The following BASP1 variants were observed in gnomAD, a reference collection of about 807,000 sequenced individuals.
BASP1 encodes brain acid soluble protein 1.
A neutral mutation model predicts 2.2 loss-of-function variants in BASP1; 1 was observed. That is an observed-to-expected ratio of 0.46 (90% CI 0.16 to 2.17). The LOEUF is 2.17. BASP1 is among the 30% of genes most tolerant of loss of function. The pLI is 0.27. For missense variants in BASP1, 352 were observed against 327.2 expected (o/e 1.08, Z -0.58); for synonymous variants, 187 against 154.2 (o/e 1.21, Z -1.58).
At chr5:17,249,546 C>A (rs1561171589) in intron 1 of BASP1, among the ~76,000 whole-genome samples, 1 of 152,084 alleles carries the variant, frequency 6.6e-6, no homozygotes, top group African/African-American at 2.4e-5. Context: ...CTGGCATACA[C>A]TTTTTTTAAC....
At chr5:17,271,264 G>A (rs1029529043) in intron 1 of BASP1, among the ~76,000 whole-genome samples, 1 of 152,158 alleles carries the variant, frequency 6.6e-6, no homozygotes, top group Non-Finnish European at 1.5e-5. Flanking sequence ...TGGGATGATA[G>A]GTGTGCACCA....
chr5:17,239,382 T>C (rs191092312), intron 1 of BASP1, among the ~76,000 whole-genome samples: 2 of 152,302 alleles, frequency 1.3e-5, no homozygotes, highest in East Asian at 1.9e-4. Flanking sequence ...TGTGAGCCAC[T>C]GCACCCGGCC....
At chr5:17,266,253 G>A (rs1237497222) in intron 1 of BASP1, among the ~76,000 whole-genome samples, 1 of 152,118 alleles carries the variant, frequency 6.6e-6, no homozygotes, top group Non-Finnish European at 1.5e-5. Context: ...TAAAAATGCA[G>A]GAAAAAGATT....
chr5:17,275,764 C>T lies in BASP1; in HGVS notation c.548C>T (p.Ser183Phe). The change falls in exon 2 of 2, where the codon TCC (serine) becomes TTC (phenylalanine). Residue 183 changes from serine (S) to phenylalanine (F), a missense_variant. Physicochemically the swap from Ser to Phe is radical, Grantham distance 155 (BLOSUM62 -2). Coordinates refer to ENST00000322611, the MANE Select transcript of BASP1 (RefSeq NM_006317.5). This position sits in a 1 kb window ranked among gnomAD's most constrained non-coding sequence, Gnocchi z 5.3. The stretch of plus-strand genomic sequence containing the variant: ...GGCAGCTCGGAGGCTGCCCCCTCTT[C>T]CAAGGAGACCCCCGCAGCCACGGAA... ...KPGSSEAAPS[S>F]KETPAATEAP... 1.9e-6 allele frequency: 3 copies of T among 1,612,840 alleles called. No homozygotes were observed. In the East Asian group the frequency reaches 6.7e-5, roughly 36 times the overall value.
Position 17,260,194 on chromosome 5 carries a change from TGC to T in BASP1, c.-9-15013_-9-15012del, listed in dbSNP as rs1740289161. On this transcript the variant is annotated intron_variant, in intron 1 of 1. Coordinates refer to ENST00000322611, the MANE Select transcript of BASP1 (RefSeq NM_006317.5). This position sits in a 1 kb window ranked among gnomAD's most constrained non-coding sequence, Gnocchi z 4.2. ...TTAGACTATTGACGAGAATGAATAA[TGC>T]ATGTTTCCTGATAGTGTTTGCTACA... Among the ~76,000 whole-genome samples the T allele has an allele frequency of 6.6e-6, 1 of 152,206 alleles. No homozygotes were observed. Among genetic ancestry groups the T allele is most frequent in the Non-Finnish European group, 1.5e-5 (1 of 68,038 alleles).
At chr5:17,248,684 T>C (rs560613539) in intron 1 of BASP1, among the ~76,000 whole-genome samples, 28 of 152,298 alleles carry the variant, frequency 1.8e-4, no homozygotes, top group African/African-American at 6.7e-4. Flanking sequence ...CCCTGTAGAA[T>C]GTGAATGATT....
chr5:17,241,663 G>A (rs1256626000), intron 1 of BASP1, among the ~76,000 whole-genome samples: 1 of 152,152 alleles, frequency 6.6e-6, no homozygotes, highest in East Asian at 1.9e-4. Flanking sequence ...TGCTGGGAGT[G>A]AACGAGGCCC....
chr5:17,247,595 C>T (rs1010690008), intron 1 of BASP1, among the ~76,000 whole-genome samples: 5 of 152,142 alleles, frequency 3.3e-5, no homozygotes, highest in African/African-American at 1.2e-4. Context: ...GCTGCTTCTT[C>T]AAAAGGTGCC....
chr5:17,217,947 C>G (rs1207769072), intron 1 of BASP1, 137 bp downstream of exon 1: 2 of 152,062 alleles, frequency 1.3e-5, no homozygotes, highest in East Asian at 3.9e-4. Flanking sequence ...CCGGATTGGA[C>G]GGCAAGGGCC....
At chr5:17,242,868 C>T (rs1032299754) in intron 1 of BASP1, among the ~76,000 whole-genome samples, 3 of 150,722 alleles carry the variant, frequency 2.0e-5, no homozygotes, top group African/African-American at 7.3e-5. Flanking sequence ...AAAAGGTAAT[C>T]GTAAGCATTT....
intron 1 of BASP1, among the ~76,000 whole-genome samples, chr5:17,245,809 C>T (rs1739972995): frequency 6.6e-6 from 1 of 152,028 alleles, no homozygotes; most frequent in Admixed American, 6.6e-5. Context: ...TGAATAAATA[C>T]ATTGCTCAGG....
intron 1 of BASP1, among the ~76,000 whole-genome samples, chr5:17,267,266 C>T (rs1281728771): frequency 6.6e-6 from 1 of 152,118 alleles, no homozygotes; most frequent in Non-Finnish European, 1.5e-5. Flanking sequence ...GGGAAACAAC[C>T]GAGTGTCTTC....
intron 1 of BASP1, among the ~76,000 whole-genome samples, chr5:17,241,098 CTTT>C (rs1168059951): frequency 4.3e-5 from 6 of 140,770 alleles, no homozygotes; most frequent in East Asian, 4.1e-4. Flanking sequence ...TGACATTTTC[CTTT>C]TTTTTTTTTT....
At chr5:17,256,442 T>C (rs868146655) in intron 1 of BASP1, among the ~76,000 whole-genome samples, 54 of 152,338 alleles carry the variant, frequency 3.5e-4, no homozygotes, top group African/African-American at 1.2e-3. Flanking sequence ...AGTGCCTGGA[T>C]GTTTGTGTCA....
intron 1 of BASP1, among the ~76,000 whole-genome samples, chr5:17,268,568 G>A (rs1309904324): frequency 3.9e-5 from 6 of 152,292 alleles, no homozygotes; most frequent in Middle Eastern, 3.4e-3. Flanking sequence ...TTAAAATAGC[G>A]TGTACAGAGG....
intron 1 of BASP1, among the ~76,000 whole-genome samples, chr5:17,227,386 ATT>A (rs201485149): frequency 0.091 from 9,658 of 106,370 alleles, 515 homozygotes; most frequent in African/African-American, 0.24. Flanking sequence ...AGCTTGACTA[ATT>A]TTTATATATA....
At chr5:17,237,736 G>A (rs1229527893) in intron 1 of BASP1, among the ~76,000 whole-genome samples, 3 of 151,308 alleles carry the variant, frequency 2.0e-5, no homozygotes, top group Non-Finnish European at 4.4e-5. Flanking sequence ...TCCACCTCCC[G>A]AGTAGCTGGG....
Position 17,250,991 on chromosome 5 carries a change from AG to A in BASP1, c.-9-24216del, listed in dbSNP as rs560773344. 2.0e-5 allele frequency among the ~76,000 whole-genome samples: 3 copies of A among 152,376 alleles called. No homozygotes were observed. In the South Asian group the frequency reaches 6.2e-4, roughly 32 times the overall value. ...AGATTTAGATTTTGCTGCATAGAAC[AG>A]AAAACCTAAAACTAAAATGGCTTAC... On this transcript the variant is annotated intron_variant, in intron 1 of 1. Coordinates refer to ENST00000322611, the MANE Select transcript of BASP1 (RefSeq NM_006317.5).
intron 1 of BASP1, among the ~76,000 whole-genome samples, chr5:17,238,088 A>G (rs1561168109): frequency 6.6e-6 from 1 of 151,358 alleles, no homozygotes; most frequent in Non-Finnish European, 1.5e-5. Context: ...TGGCACTCCT[A>G]TTGACACTTT....
Sources: gnomAD v4.1 joint callset for allele counts (sites outside exome capture counted in the v4.1 genomes callset) on GRCh38, gnomAD v4.1.1 for gene constraint, Gnocchi (gnomAD v3.1) non-coding constraint, MANE v1.5 for transcripts, NCBI Gene and HGNC (gene_info 2026-07-23, HGNC 2026-07-21) for gene names.